TBC1D4: variants seen among roughly 807,000 people sequenced by gnomAD.
TBC1D4 encodes the protein TBC1 domain family member 4.
In TBC1D4, 121 loss-of-function variants were observed where a neutral mutation model predicts 142.5. That is an observed-to-expected ratio of 0.85 (90% confidence interval 0.73 to 0.99). The LOEUF (loss-of-function observed/expected upper bound fraction) is 0.99. Among genes scored for constraint, TBC1D4 ranks in the 50% least tolerant of loss-of-function variants. TBC1D4 has a pLI of 0.00. For missense variants in TBC1D4, 1,475 were observed against 1,606.6 expected, an observed-to-expected ratio of 0.92 and a Z score of 1.40; for synonymous variants, 630 against 628.2, an observed-to-expected ratio of 1.00 and a Z score of -0.04.
At chr13:75,415,517 T>TA (rs1299988747) in intron 1 of TBC1D4, among the ~76,000 whole-genome samples, 1 of 152,246 alleles carries the variant, frequency 6.6e-6, no homozygotes, top group Non-Finnish European at 1.5e-5. Context: ...TGGGAACACA[T>TA]ATTAAATAAC....
In TBC1D4 at chr13:75,310,074, G is replaced by A. The variant is rs1343062167; in HGVS notation, c.2461C>T (p.Leu821=). ...TTTTCTGGGTCATCCTCCCCAGACA[G>A]GAATACAACCAGCGGTTCCTCCTCC... ...TMEEEPLVVF[L]SGEDDPEKIE... The change falls in exon 14 of 21, where the codon CTG becomes TTG. Residue 821 remains leucine (L), a synonymous_variant. Transcript: ENST00000377636. 5.6e-6 allele frequency: 9 copies of A among 1,614,060 alleles called. No homozygotes were observed. The highest frequency in any genetic ancestry group is 1.7e-5 in the Admixed American group (1 of 60,010).
At chr13:75,288,827 G>T in intron 20 of TBC1D4, 107 bp downstream of exon 20, 1 of 1,180,598 alleles carries the variant, frequency 8.5e-7, no homozygotes. Context: ...ATGGGCTCTT[G>T]GTTAGCAATG....
rs1883235850 is a variant in TBC1D4, at chr13:75,371,767, AGG to A, written c.499-9162_499-9161del. ...TTGCCCCTGTAAAATGAACCCATGT[AGG>A]TAAAACTGTTTTCTCTGCCATTAGG... On this transcript the variant is annotated intron_variant, in intron 1 of 20. Transcript: ENST00000377636. Among the ~76,000 whole-genome samples the A allele has an allele frequency of 3.3e-5, 5 of 152,206 alleles. No homozygotes were observed. The South Asian group carries it at 8.3e-4, about 25-fold the overall frequency.
At chr13:75,438,457 T>A (rs1485174718) in intron 1 of TBC1D4, among the ~76,000 whole-genome samples, 2 of 152,156 alleles carry the variant, frequency 1.3e-5, no homozygotes, top group African/African-American at 4.8e-5. Flanking sequence ...AAGAGCTCTA[T>A]CCTAGGTGTA....
chr13:75,411,677 C>T (rs771183424), intron 1 of TBC1D4, among the ~76,000 whole-genome samples: 4 of 152,078 alleles, frequency 2.6e-5, no homozygotes, highest in South Asian at 2.1e-4. Flanking sequence ...AAGCACATCA[C>T]CATATCTGGC....
rs1220745857 is a variant in TBC1D4, at chr13:75,481,561, G to C, written c.207C>G (p.Pro69=). 10 of 1,598,396 alleles carry C rather than the reference G, an allele frequency of 6.3e-6. No homozygotes were observed. Among genetic ancestry groups the C allele is most frequent in the Middle Eastern group, 1.7e-4 (1 of 5,990 alleles). ...CCGGCGCCCCGCAGCCGCCCGCCTC[G>C]GGCTTCTGGCTGCGCCTGCGGATCT... ...MAEIRRRSQK[P]EAGGCGAPAA... The change falls in exon 1 of 21, where the codon CCC becomes CCG. Residue 69 remains proline, a synonymous_variant. Coordinates refer to ENST00000377636, the MANE Select transcript of TBC1D4 (RefSeq NM_014832.5).
At chr13:75,418,311 G>A (rs1348357995) in intron 1 of TBC1D4, among the ~76,000 whole-genome samples, 1 of 152,152 alleles carries the variant, frequency 6.6e-6, no homozygotes, top group Admixed American at 6.5e-5. Flanking sequence ...TCGAATGTGT[G>A]AAAAGACCTG....
chr13:75,332,010 C>A lies in TBC1D4; in HGVS notation c.1732-4184G>T, dbSNP rs565476441. 1.2e-4 allele frequency among the ~76,000 whole-genome samples: 19 copies of A among 152,260 alleles called. No individual in the cohort carries two copies. In the South Asian group the frequency reaches 3.3e-3, roughly 27 times the overall value. ...GCAAAATTTATGTCATTTGGCATCA[C>A]TCTGGGAAACAAAAGCTACAGTATC... On this transcript the variant is annotated intron_variant, in intron 8 of 20. Transcript: ENST00000377636.
chr13:75,390,101 C>A (rs1884384450), intron 1 of TBC1D4, among the ~76,000 whole-genome samples: 1 of 151,716 alleles, frequency 6.6e-6, no homozygotes, highest in Non-Finnish European at 1.5e-5. Context: ...CATGGTGAAA[C>A]CTCGTCTCTA....
In TBC1D4 at chr13:75,312,900, T is replaced by C. The variant is rs369643951; in HGVS notation, c.2223-2A>G. On this transcript the variant is annotated splice_acceptor_variant, in intron 12 of 20. Coordinates refer to ENST00000377636, the MANE Select transcript of TBC1D4 (RefSeq NM_014832.5). LOFTEE classifies it high-confidence loss of function. ...GTCCTTTTTCTCCCTTCTCCATCAC[T>C]GTTGAAAGCAAATAAACATATCACT... 1.2e-6 allele frequency: 2 copies of C among 1,614,058 alleles called. No individual in the cohort carries two copies. Among genetic ancestry groups the C allele is most frequent in the Non-Finnish European group, 8.5e-7 (1 of 1,180,036 alleles).
rs575474860 is a variant in TBC1D4 at position 75,446,064 on chromosome 13, A to C, written c.498+35206T>G. On this transcript the variant is annotated intron_variant, in intron 1 of 20. Coordinates refer to ENST00000377636, the MANE Select transcript of TBC1D4 (RefSeq NM_014832.5). Reference sequence around the variant, plus strand: ...TAAGTATTTTTGACATAAGCTGAGCAGCGGAAAATGATACTGGAACATAAG... The same window carrying C: ...TAAGTATTTTTGACATAAGCTGAGCCGCGGAAAATGATACTGGAACATAAG... Among the ~76,000 whole-genome samples the C allele has an allele frequency of 9.8e-5, 15 of 152,346 alleles. No homozygotes were observed. The South Asian group carries it at 2.9e-3, about 29-fold the overall frequency.
At chr13:75,300,883 G>A (rs188964933) in intron 16 of TBC1D4, among the ~76,000 whole-genome samples, 3 of 152,262 alleles carry the variant, frequency 2.0e-5, no homozygotes, top group East Asian at 3.9e-4. Context: ...GAGGATGGAC[G>A]CTCAGAAGGA....
At chr13:75,310,818 G>A (rs60748207) in intron 13 of TBC1D4, among the ~76,000 whole-genome samples, 7,358 of 152,094 alleles carry the variant, frequency 0.048, 461 homozygotes, top group African/African-American at 0.14. Context: ...CCACCCTCAA[G>A]GGGGTCCCGG....
chr13:75,327,641 T>G, intron 9 of TBC1D4, 111 bp downstream of exon 9: 1 of 1,029,712 alleles, frequency 9.7e-7, no homozygotes. Flanking sequence ...CAAATATTTA[T>G]TTTTTAAAAA....
rs1020388562 is a variant in TBC1D4, at chr13:75,399,822, C to A, written c.499-37215G>T. 5.3e-5 allele frequency among the ~76,000 whole-genome samples: 8 copies of A among 152,152 alleles called. 1 individual carries two copies. ...CTAATGTTCTGGGACTTCTGCACCC[C>A]AGTATGAAGAAGGCTAACAGTTTCT... is the stretch of plus-strand genomic sequence containing the variant. On this transcript the variant is annotated intron_variant, in intron 1 of 20. Transcript: ENST00000377636.
At chr13:75,421,584 C>T (rs562999274) in intron 1 of TBC1D4, among the ~76,000 whole-genome samples, 2 of 152,236 alleles carry the variant, frequency 1.3e-5, no homozygotes, top group East Asian at 3.9e-4. Context: ...AATTATACTT[C>T]AAAGGAGCAC....
rs1876301315 is a variant in TBC1D4 at position 75,299,526 on chromosome 13, C to T, written c.2960G>A (p.Gly987Glu). ...HPYFSVQLGP[G>E]QLSLFNLLKA... ...CAGGAGGTTAAACAGTGACAGCTGT[C>T]CTGGCCCAAGCTGTACTGAAAAGTA... is the stretch of plus-strand genomic sequence containing the variant. Residue 987 changes from glycine to glutamate, a missense_variant, in exon 17 of 21, where the codon GGA becomes GAA. This residue lies in a region of TBC1D4 where 1,227 missense variants were observed against 1,267.7 expected (regional missense o/e 0.97). Coordinates refer to ENST00000377636, the MANE Select transcript of TBC1D4 (RefSeq NM_014832.5). The T allele has an allele frequency of 6.2e-7, 1 of 1,613,994 alleles. No homozygotes were observed. The highest frequency in any genetic ancestry group is 8.5e-7 in the Non-Finnish European group (1 of 1,179,992).
chr13:75,404,830 A>G (rs1206071814), intron 1 of TBC1D4, among the ~76,000 whole-genome samples: 1 of 152,228 alleles, frequency 6.6e-6, no homozygotes, highest in African/African-American at 2.4e-5. Context: ...ATTGAACAAG[A>G]GTAGAACTAT....
At position 75,481,283 on chromosome 13, in the gene TBC1D4, G is replaced by C. The variant is rs1888856309; in HGVS notation, c.485C>G (p.Thr162Arg). The C allele has an allele frequency of 6.2e-7, 1 of 1,613,644 alleles. No individual in the cohort carries two copies. Among genetic ancestry groups the C allele is most frequent in the Non-Finnish European group, 8.5e-7 (1 of 1,179,764 alleles). ...SQMACHVFRA[T>R]DPSQVPDVIS... is the part of the protein sequence containing the mutation. ...CCCCTGTCTTGCCTGGCTGGGGTCT[G>C]TGGCGCGGAAAACGTGGCAGGCCAT... Residue 162 changes from threonine to arginine, a missense_variant, in exon 1 of 21, where the codon ACA becomes AGA. Physicochemically the swap from Thr to Arg is moderately conservative, Grantham distance 71. Transcript: ENST00000377636.
Sources: allele counts gnomAD v4.1 joint callset (sites outside exome capture counted in the v4.1 genomes callset), GRCh38; gene constraint gnomAD v4.1.1; regional missense constraint gnomAD v4.1.1; transcripts MANE v1.5; gene names NCBI Gene and HGNC (gene_info 2026-07-23, HGNC 2026-07-21).